PPP1R12C: variants seen among roughly 807,000 people sequenced by gnomAD.
PPP1R12C encodes the protein protein phosphatase 1 regulatory subunit 12C.
In PPP1R12C, 48 loss-of-function variants were observed where a neutral mutation model predicts 95.6. The ratio of observed to expected loss-of-function variants is 0.50; its 90% confidence interval spans 0.40 to 0.64. The LOEUF is 0.64. Among genes scored for constraint, PPP1R12C ranks in the 30% least tolerant of loss-of-function variants. The probability of loss-of-function intolerance (pLI) is 0.00; values close to 1 mark genes in which losing one functional copy is unlikely to be tolerated. For missense variants in PPP1R12C, 1,057 were observed against 1,083.3 expected, an observed-to-expected ratio of 0.98 and a Z score of 0.34; for synonymous variants, 480 against 460.8, an observed-to-expected ratio of 1.04 and a Z score of -0.53.
At position 55,094,419 on chromosome 19, in the gene PPP1R12C, C is replaced by G; in HGVS notation, c.1609G>C (p.Val537Leu). The part of the protein sequence containing the change: ...RDRRRSYQMP[V>L]RDEESESQRK... The stretch of plus-strand genomic sequence containing the variant: ...TGGGATTCCGACTCCTCATCCCGCA[C>G]AGGCATCTGGTAGGACCTGAGGGAA... The change falls in exon 13 of 22, where the codon GTG (valine) becomes CTG (leucine). Residue 537 changes from valine (V) to leucine (L), a missense_variant. Val to Leu is a conservative substitution (Grantham distance 32). This residue lies in a region of PPP1R12C where 356 missense variants were observed against 330.5 expected (regional missense o/e 1.08). Coordinates refer to ENST00000263433, the MANE Select transcript of PPP1R12C (RefSeq NM_017607.4). 5.0e-6 allele frequency: 8 copies of G among 1,613,932 alleles called. No individual in the cohort carries two copies. Among genetic ancestry groups the G allele is most frequent in the Non-Finnish European group, 6.8e-6 (8 of 1,180,020 alleles).
At position 55,109,808 on chromosome 19, in the gene PPP1R12C, G is replaced by C. The variant is rs928082481; in HGVS notation, c.571+2659C>G. ...GAGCTGGGGTGCAGCCTGTGATCCA[G>C]GTCCTGCGCACTGCAGCCCCTCTGA... On this transcript the variant is annotated intron_variant, in intron 3 of 21. Coordinates refer to ENST00000263433, the MANE Select transcript of PPP1R12C (RefSeq NM_017607.4). The surrounding 1 kb of genome is among the most constrained non-coding windows in gnomAD (Gnocchi z 4.4). Among the ~76,000 whole-genome samples the C allele has an allele frequency of 1.1e-4, 17 of 152,214 alleles. No homozygotes were observed. Among genetic ancestry groups the C allele is most frequent in the Admixed American group, 9.8e-4 (15 of 15,290 alleles).
In PPP1R12C at chr19:55,096,232, C is replaced by T. The variant is rs775703693; in HGVS notation, c.1025+30G>A. The T allele has an allele frequency of 6.2e-6, 10 of 1,613,478 alleles. No individual in the cohort carries two copies. The East Asian group carries it at 1.1e-4, about 18-fold the overall frequency. On this transcript the variant is annotated intron_variant, in intron 7 of 21. Coordinates refer to ENST00000263433, the MANE Select transcript of PPP1R12C (RefSeq NM_017607.4). The stretch of plus-strand genomic sequence containing the variant: ...ACAAGCCCGGGGCCTCCAGCCACCC[C>T]GCCAGCCCTGGACTCCTCCCTCCCT...
intron 3 of PPP1R12C, among the ~76,000 whole-genome samples, chr19:55,104,780 C>CATAT (rs140765784): frequency 6.2e-5 from 9 of 145,770 alleles, no homozygotes; most frequent in African/African-American, 1.5e-4. Flanking sequence ...AACTTTAGGC[C>CATAT]ATATATATAT....
Position 55,096,256 on chromosome 19 carries a change from C to G in PPP1R12C, c.1025+6G>C, listed in dbSNP as rs754816795. Reference sequence around the variant, plus strand: ...CCGCCAGCCCTGGACTCCTCCCTCCCTATACCTTCTGTGTTTGCTGCTAGA... The same window carrying G: ...CCGCCAGCCCTGGACTCCTCCCTCCGTATACCTTCTGTGTTTGCTGCTAGA... On this transcript the variant is annotated splice_donor_region_variant and intron_variant, in intron 7 of 21. Coordinates refer to ENST00000263433, the MANE Select transcript of PPP1R12C (RefSeq NM_017607.4). The G allele has an allele frequency of 6.2e-7, 1 of 1,613,936 alleles. No homozygotes were observed. The highest frequency in any genetic ancestry group is 1.1e-5 in the South Asian group (1 of 91,084).
At chr19:55,092,016 G>GC in intron 19 of PPP1R12C, 107 bp from the exon 20 acceptor site, 5 of 1,426,140 alleles carry the variant, frequency 3.5e-6, no homozygotes, top group South Asian at 3.5e-5. Flanking sequence ...CAGCCCACAA[G>GC]CCCTTCCCCC....
Position 55,092,620 on chromosome 19 carries a change from A to G in PPP1R12C, c.1952+2T>C. ...ACCCCACCTCTCCCACCCCGCCCCT[A>G]CCTGGACTCCTGGCTGCGGTCAGCC... On this transcript the variant is annotated splice_donor_variant, in intron 17 of 21. Transcript: ENST00000263433. LOFTEE classifies it high-confidence loss of function. The G allele has an allele frequency of 6.5e-7, 1 of 1,535,224 alleles. No individual in the cohort carries two copies. Among genetic ancestry groups the G allele is most frequent in the Non-Finnish European group, 8.7e-7 (1 of 1,144,010 alleles).
At chr19:55,112,975 G>T in intron 1 of PPP1R12C, 180 bp from the exon 2 acceptor site, 1 of 784,834 alleles carries the variant, frequency 1.3e-6, no homozygotes, top group Non-Finnish European at 2.0e-6. Context: ...CCAGTGGTCA[G>T]GCCGGCCAGG....
At chr19:55,113,179 T>C in intron 1 of PPP1R12C, 1 of 480,032 alleles carries the variant, frequency 2.1e-6, no homozygotes, top group Admixed American at 3.7e-5. Flanking sequence ...CAGCCCCTCC[T>C]CCTTCAGAGC....
chr19:55,094,910 G>C, intron 11 of PPP1R12C, 112 bp from the exon 12 acceptor site: 1 of 1,272,928 alleles, frequency 7.9e-7, no homozygotes, highest in African/African-American at 1.5e-5. Flanking sequence ...CAGAGTCAGA[G>C]CTGAGCAGAA....
chr19:55,109,613 G>A lies in PPP1R12C; in HGVS notation c.571+2854C>T, dbSNP rs2085073882. ...GAAAACAGCAAGTAAGCCAGGGAAA[G>A]CGAAGGGGATGGTCGTGCCTGAGGC... On this transcript the variant is annotated intron_variant, in intron 3 of 21. Coordinates refer to ENST00000263433, the MANE Select transcript of PPP1R12C (RefSeq NM_017607.4). This position sits in a 1 kb window ranked among gnomAD's most constrained non-coding sequence, Gnocchi z 4.4. Among the ~76,000 whole-genome samples, 1 of 152,272 alleles carries A rather than the reference G, an allele frequency of 6.6e-6. No homozygotes were observed. Among genetic ancestry groups the A allele is most frequent in the Non-Finnish European group, 1.5e-5 (1 of 68,048 alleles).
Position 55,094,764 on chromosome 19 carries a change from TCTC to T in PPP1R12C, c.1486_1488del (p.Glu496del). The stretch of plus-strand genomic sequence containing the variant: ...GGAATCCTGGAGGGAGGCGAGGAGT[TCTC>T]CAAGCAAGGAGGAGGCTTGGTGACC... On this transcript the variant is annotated inframe_deletion, in exon 12 of 22. Coordinates refer to ENST00000263433, the MANE Select transcript of PPP1R12C (RefSeq NM_017607.4). 6.2e-7 allele frequency: 1 copy of T among 1,605,108 alleles called. No homozygotes were observed. The highest frequency in any genetic ancestry group is 8.5e-7 in the Non-Finnish European group (1 of 1,177,256).
chr19:55,104,505 C>A (rs2085016660), intron 3 of PPP1R12C, among the ~76,000 whole-genome samples: 1 of 151,444 alleles, frequency 6.6e-6, no homozygotes, highest in Non-Finnish European at 1.5e-5. Context: ...GAGTTCGAGA[C>A]CAGCCTGCCC....
At chr19:55,114,365 G>A (rs2085131657) in intron 1 of PPP1R12C, 1 of 152,610 alleles carries the variant, frequency 6.6e-6, no homozygotes, top group African/African-American at 2.4e-5. Context: ...ATGGGGGCAG[G>A]GTACCAGCCT....
At position 55,108,137 on chromosome 19, in the gene PPP1R12C, T is replaced by C. The variant is rs55634312; in HGVS notation, c.571+4330A>G. On this transcript the variant is annotated intron_variant, in intron 3 of 21. Transcript: ENST00000263433. Reference sequence around the variant, plus strand: ...TTTCAGCAGAGACGGGGTTTCACCATGTTGGCCAGGCTGGTCTCAAACTCC... The same window carrying C: ...TTTCAGCAGAGACGGGGTTTCACCACGTTGGCCAGGCTGGTCTCAAACTCC... Among the ~76,000 whole-genome samples, 18 of 152,044 alleles carry C rather than the reference T, an allele frequency of 1.2e-4. No individual in the cohort carries two copies. The East Asian group carries it at 3.5e-3, about 30-fold the overall frequency.
chr19:55,091,242 C>G lies in PPP1R12C; in HGVS notation c.*230G>C. The G allele has an allele frequency of 5.2e-6, 3 of 579,228 alleles. No individual in the cohort carries two copies. Among genetic ancestry groups the G allele is most frequent in the Non-Finnish European group, 9.3e-6 (3 of 324,004 alleles). The allele number at this position is 579,228 out of a possible 1,614,324, so 35.9% of individuals were successfully genotyped here. On this transcript the variant is annotated 3_prime_UTR_variant, in exon 22 of 22. Transcript: ENST00000263433. Reference sequence around the variant, plus strand: ...TCCTGGTCCCGTCTCTGGCCCTGGTCCCCTCTGGCAACGTCCCCCTGCTTG... The same window carrying G: ...TCCTGGTCCCGTCTCTGGCCCTGGTGCCCTCTGGCAACGTCCCCCTGCTTG...
At chr19:55,101,206 C>T (rs765983034) in intron 4 of PPP1R12C, among the ~76,000 whole-genome samples, 6 of 152,012 alleles carry the variant, frequency 3.9e-5, no homozygotes, top group Non-Finnish European at 7.4e-5. Flanking sequence ...TGAGACCGCG[C>T]CACTGCACTC....
rs1252749881 is a variant in PPP1R12C, at chr19:55,117,251, T to G, written c.293A>C (p.Asn98Thr). 8.2e-7 allele frequency: 1 copy of G among 1,226,052 alleles called. No homozygotes were observed. Among genetic ancestry groups the G allele is most frequent in the Non-Finnish European group, 1.0e-6 (1 of 985,284 alleles). The allele number at this position is 1,226,052 out of a possible 1,614,324, so 75.9% of individuals were successfully genotyped here. Residue 98 changes from asparagine (N) to threonine (T), a missense_variant, in exon 1 of 22, where the codon AAC becomes ACC. Physicochemically the swap from Asn to Thr is moderately conservative, Grantham distance 65. Coordinates refer to ENST00000263433, the MANE Select transcript of PPP1R12C (RefSeq NM_017607.4). ...GTGCAGGGCGCTGATACCGTCGGCGTTGGTGGAGTCCAGCACGGCGCGGGC... is the reference window on the plus strand; with the variant it reads ...GTGCAGGGCGCTGATACCGTCGGCGGTGGTGGAGTCCAGCACGGCGCGGGC... ...PPARAVLDST[N>T]ADGISALHQA... is the part of the protein sequence containing the mutation.
chr19:55,094,430 T>A lies in PPP1R12C; in HGVS notation c.1598A>T (p.Tyr533Phe). The change falls in exon 13 of 22, where the codon TAC becomes TTC. Residue 533 changes from tyrosine to phenylalanine, a missense_variant. Tyr to Phe is a conservative substitution (Grantham distance 22). Transcript: ENST00000263433. ...PADSRDRRRSYQMPVRDEESE... is the reference protein window; with the variant it reads ...PADSRDRRRSFQMPVRDEESE... Reference sequence around the variant, plus strand: ...CTCCTCATCCCGCACAGGCATCTGGTAGGACCTGAGGGAAGGGTCCCAACC... The same window carrying A: ...CTCCTCATCCCGCACAGGCATCTGGAAGGACCTGAGGGAAGGGTCCCAACC... 6.2e-7 allele frequency: 1 copy of A among 1,613,684 alleles called. No individual in the cohort carries two copies. The highest frequency in any genetic ancestry group is 8.5e-7 in the Non-Finnish European group (1 of 1,180,014).
chr19:55,096,013 C>T (rs1318812953), intron 8 of PPP1R12C, 38 bp downstream of exon 8: 1 of 1,607,648 alleles, frequency 6.2e-7, no homozygotes, highest in East Asian at 2.2e-5. Context: ...CCGACCCCTC[C>T]TCCCTCGGAC....
Sources: allele counts gnomAD v4.1 joint callset (sites outside exome capture counted in the v4.1 genomes callset), GRCh38; gene constraint gnomAD v4.1.1; regional missense constraint gnomAD v4.1.1; non-coding constraint Gnocchi (gnomAD v3.1); transcripts MANE v1.5; gene names NCBI Gene and HGNC (gene_info 2026-07-23, HGNC 2026-07-21).